Variants in PRMT2 observed in about 807,000 individuals in gnomAD.
PRMT2 encodes the protein protein arginine methyltransferase 2, also known as protein arginine N-methyltransferase 2.
In PRMT2, 26 loss-of-function variants were observed where a neutral mutation model predicts 57.6. The observed-to-expected ratio is 0.45, with a 90% CI of 0.33 to 0.63. The LOEUF is 0.63. Ranked by LOEUF, PRMT2 falls within the 20% of genes least tolerant of loss-of-function variation. The probability of loss-of-function intolerance (pLI) is 0.02; values close to 1 mark genes in which losing one functional copy is unlikely to be tolerated. For synonymous variants in PRMT2, 219 were observed against 220.0 expected, an observed-to-expected ratio of 1.00 and a Z score of 0.04; for missense variants, 472 against 564.4, an observed-to-expected ratio of 0.84 and a Z score of 1.66.
chr21:46,662,503 C>T (rs796196899), intron 10 of PRMT2, among the ~76,000 whole-genome samples: 10 of 152,192 alleles, frequency 6.6e-5, no homozygotes, highest in South Asian at 2.1e-4. Flanking sequence ...GGTTGATGGC[C>T]TGGCCTGGCA....
intron 7 of PRMT2, chr21:46,652,277 A>G (rs111614988): frequency 3.4e-4 from 451 of 1,318,188 alleles, no homozygotes; most frequent in Middle Eastern, 1.2e-3. Flanking sequence ...TCTAAGAACC[A>G]AGTTCATAAT....
chr21:46,661,758 C>G, intron 9 of PRMT2, 42 bp from the exon 10 acceptor site: 1 of 1,295,926 alleles, frequency 7.7e-7, no homozygotes, highest in Non-Finnish European at 9.9e-7. Flanking sequence ...CCCTGCGGTG[C>G]CACGCGGTGC....
intron 8 of PRMT2, 147 bp from the exon 9 acceptor site, chr21:46,660,686 G>A: frequency 9.9e-7 from 1 of 1,011,942 alleles, no homozygotes; most frequent in South Asian, 1.6e-5. Flanking sequence ...AGGCCTGAGG[G>A]CTGCTCTGGG....
At chr21:46,659,826 G>T (rs949994311) in intron 8 of PRMT2, 2 of 985,354 alleles carry the variant, frequency 2.0e-6, no homozygotes, top group East Asian at 2.3e-4. Context: ...GTGGAGCACT[G>T]CTGTGTGTCT....
Position 46,664,554 on chromosome 21 carries a change from C to G in PRMT2, c.*227C>G. On this transcript the variant is annotated 3_prime_UTR_variant, in exon 12 of 12. Coordinates refer to ENST00000355680, the MANE Select transcript of PRMT2 (RefSeq NM_206962.4). ...ACCCCCGCTGCCCAGTGTCTGCCCT[C>G]TAGAAGTAGGCTGTGTTTCCAGGTG... The G allele has an allele frequency of 1.7e-6, 1 of 604,180 alleles. No homozygotes were observed. Among genetic ancestry groups the G allele is most frequent in the Non-Finnish European group, 3.0e-6 (1 of 338,344 alleles). The allele number at this position is 604,180 out of a possible 1,614,324, so 37.4% of individuals were successfully genotyped here. A position where few individuals can be genotyped will look rare whatever the true frequency, so the allele number is the denominator to read the frequency against.
intron 7 of PRMT2, among the ~76,000 whole-genome samples, chr21:46,650,898 A>G (rs1009372809): frequency 2.6e-5 from 4 of 152,174 alleles, no homozygotes; most frequent in African/African-American, 9.7e-5. Context: ...GATTGGCCAG[A>G]CTGTGTTGCA....
At chr21:46,659,573 A>C in intron 8 of PRMT2, 3 of 956,232 alleles carry the variant, frequency 3.1e-6, no homozygotes, top group Non-Finnish European at 3.7e-6. Flanking sequence ...TAATGTTGTT[A>C]GTAGTTAAAA....
Position 46,643,594 on chromosome 21 carries a change from G to A in PRMT2, c.99G>A (p.Glu33=), listed in dbSNP as rs754352114. 1.2e-6 allele frequency: 2 copies of A among 1,611,260 alleles called. No individual in the cohort carries two copies. The highest frequency in any genetic ancestry group is 1.7e-6 in the Non-Finnish European group (2 of 1,179,248). The change falls in exon 4 of 12, where the codon GAG becomes GAA. Residue 33 remains glutamate, a synonymous_variant. Coordinates refer to ENST00000355680, the MANE Select transcript of PRMT2 (RefSeq NM_206962.4). The stretch of plus-strand genomic sequence containing the variant: ...TCCTGCAGGAGGGAGTACAGCCAGA[G>A]GAGTTTGTGGCCATCGCGGACTACG... ...AGLLQEGVQP[E]EFVAIADYAA...
At chr21:46,660,253 C>G (rs2061599964) in intron 8 of PRMT2, 1 of 760,254 alleles carries the variant, frequency 1.3e-6, no homozygotes, top group Non-Finnish European at 1.6e-6. Context: ...CGGTGACATG[C>G]AGGGGCCATG....
chr21:46,658,670 G>T, intron 7 of PRMT2, 75 bp from the exon 8 acceptor site: 1 of 1,572,084 alleles, frequency 6.4e-7, no homozygotes, highest in South Asian at 1.2e-5. Context: ...CTAGTGTTAC[G>T]AATGTGGTGG....
intron 7 of PRMT2, chr21:46,654,792 G>T (rs1371748984): frequency 3.6e-6 from 2 of 557,678 alleles, no homozygotes; most frequent in South Asian, 7.9e-5. Context: ...TTTTATATGG[G>T]GGACTTTAGC....
chr21:46,652,244 G>A, intron 7 of PRMT2: 1 of 1,364,114 alleles, frequency 7.3e-7, no homozygotes, highest in East Asian at 2.7e-5. Flanking sequence ...AAGTTTATTT[G>A]TTGTTAGGAT....
At chr21:46,637,138 G>A (rs1160261252) in intron 3 of PRMT2, 148 bp downstream of exon 3, 1 of 719,412 alleles carries the variant, frequency 1.4e-6, no homozygotes, top group Non-Finnish European at 2.3e-6. Flanking sequence ...TGAAGATTGT[G>A]AGGCAGAGGA....
Position 46,649,305 on chromosome 21 carries a change from G to A in PRMT2, c.490-270G>A, listed in dbSNP as rs1261639997. Among the ~76,000 whole-genome samples, 1 of 152,212 alleles carries A rather than the reference G, an allele frequency of 6.6e-6. No individual in the cohort carries two copies. Among genetic ancestry groups the A allele is most frequent in the East Asian group, 1.9e-4 (1 of 5,200 alleles). ...TAAGATTGCTGTGCGTGTGGCAGCC[G>A]GCTCGGGCATGCGAGTCTTCCATCC... On this transcript the variant is annotated intron_variant, in intron 6 of 11. Transcript: ENST00000355680. The surrounding 1 kb of genome is among the most constrained non-coding windows in gnomAD (Gnocchi z 4.8).
rs1304138853 is a variant in PRMT2 at position 46,635,770 on chromosome 21, G to A, written c.-166+7G>A. The A allele has an allele frequency of 1.3e-5, 2 of 152,402 alleles. No individual in the cohort carries two copies. Among genetic ancestry groups the A allele is most frequent in the Admixed American group, 1.3e-4 (2 of 15,294 alleles). 9.4% of individuals were successfully genotyped at this position (152,402 alleles called of 1,614,324 possible). A position where few individuals can be genotyped will look rare whatever the true frequency, so the allele number is the denominator to read the frequency against. ...GCGGAGAAACGCGATTGAGGTAGGT[G>A]TCCTGATGGGCAGCTCAGATGGCTG... On this transcript the variant is annotated splice_region_variant and intron_variant, in intron 1 of 11. Coordinates refer to ENST00000355680, the MANE Select transcript of PRMT2 (RefSeq NM_206962.4).
At chr21:46,653,752 G>C in intron 7 of PRMT2, 1 of 1,179,818 alleles carries the variant, frequency 8.5e-7, no homozygotes, top group Admixed American at 3.6e-5. Flanking sequence ...TGGATTCCTT[G>C]GTTTTAAAGC....
intron 5 of PRMT2, among the ~76,000 whole-genome samples, chr21:46,647,291 T>G (rs2061379190): frequency 6.6e-6 from 1 of 152,232 alleles, no homozygotes. Context: ...GATTCGTGTG[T>G]TAAGTAATTT....
chr21:46,643,806 G>A (rs956412961), intron 4 of PRMT2, among the ~76,000 whole-genome samples, 167 bp downstream of exon 4: 7 of 152,194 alleles, frequency 4.6e-5, no homozygotes, highest in Non-Finnish European at 1.0e-4. Context: ...TCTGCCTCAA[G>A]CATGATGTAA....
chr21:46,652,533 C>A (rs1456950645), intron 7 of PRMT2: 3 of 985,280 alleles, frequency 3.0e-6, no homozygotes, highest in Non-Finnish European at 3.6e-6. Context: ...TTGAAAGTAA[C>A]TGTAATAGTT....
Sources: gnomAD v4.1 joint callset for allele counts (sites outside exome capture counted in the v4.1 genomes callset) on GRCh38, gnomAD v4.1.1 for gene constraint, Gnocchi (gnomAD v3.1) non-coding constraint, MANE v1.5 for transcripts, NCBI Gene and HGNC (gene_info 2026-07-23, HGNC 2026-07-21) for gene names.